The following TDRD5 variants were observed in gnomAD, a reference collection of about 807,000 sequenced individuals.
The protein encoded by TDRD5 is tudor domain-containing protein 5.
In TDRD5, 41 loss-of-function variants were observed where a neutral mutation model predicts 120.6. That is an observed-to-expected ratio of 0.34 (90% CI 0.26 to 0.44). The LOEUF is 0.44. Among genes scored for constraint, TDRD5 ranks in the 20% least tolerant of loss-of-function variants. TDRD5 has a pLI of 1.00. For synonymous variants in TDRD5, 430 were observed against 433.7 expected (o/e 0.99, Z 0.11); for missense variants, 1,006 against 1,221.2 (o/e 0.82, Z 2.63).
chr1:179,681,005 TAAAAG>T (rs1252840309), intron 17 of TDRD5, among the ~76,000 whole-genome samples: 1 of 152,216 alleles, frequency 6.6e-6, no homozygotes. Context: ...AGATTCCAAT[TAAAAG>T]AAGAGATTGT....
chr1:179,615,612 C>T (rs561441639), intron 4 of TDRD5, among the ~76,000 whole-genome samples: 6 of 152,122 alleles, frequency 3.9e-5, no homozygotes, highest in South Asian at 2.1e-4. Context: ...ACACTAAAAG[C>T]GTTGTTGAAA....
intron 6 of TDRD5, among the ~76,000 whole-genome samples, chr1:179,622,161 C>G (rs1676877889): frequency 6.6e-6 from 1 of 152,212 alleles, no homozygotes; most frequent in African/African-American, 2.4e-5. Context: ...CTGCTCAGAT[C>G]TCTGCCTGAC....
chr1:179,686,551 C>A (rs1429485073), intron 17 of TDRD5, among the ~76,000 whole-genome samples: 1 of 152,196 alleles, frequency 6.6e-6, no homozygotes, highest in East Asian at 1.9e-4. Flanking sequence ...ATGATGCTGG[C>A]TTCATAAAAT....
chr1:179,655,401 C>T (rs1227536796), intron 14 of TDRD5, among the ~76,000 whole-genome samples: 1 of 152,186 alleles, frequency 6.6e-6, no homozygotes, highest in Non-Finnish European at 1.5e-5. Context: ...TACACTGTTA[C>T]ACCTTTTTTT....
rs1335757488 is a variant in TDRD5 at position 179,686,164 on chromosome 1, A to T, written c.2861-4532A>T. Among the ~76,000 whole-genome samples the T allele has an allele frequency of 2.6e-5, 4 of 152,166 alleles. No individual in the cohort carries two copies. The South Asian group carries it at 8.3e-4, about 32-fold the overall frequency. Reference sequence around the variant, plus strand: ...TTCCAGTTTTTGCCCATTCAGTATGATATTGGCTGTGGGTTTATCATAAAT... The same window carrying T: ...TTCCAGTTTTTGCCCATTCAGTATGTTATTGGCTGTGGGTTTATCATAAAT... On this transcript the variant is annotated intron_variant, in intron 17 of 17. Coordinates refer to ENST00000444136, the MANE Select transcript of TDRD5 (RefSeq NM_001199085.3).
chr1:179,622,012 A>G (rs1008044202), intron 6 of TDRD5, among the ~76,000 whole-genome samples: 24 of 152,226 alleles, frequency 1.6e-4, no homozygotes, highest in African/African-American at 5.5e-4. Flanking sequence ...ATAGTATAGC[A>G]TAATTGTTAA....
At chr1:179,602,781 C>A (rs139326186) in intron 4 of TDRD5, among the ~76,000 whole-genome samples, 51 of 152,204 alleles carry the variant, frequency 3.4e-4, no homozygotes, top group African/African-American at 1.2e-3. Flanking sequence ...TGACTATAGC[C>A]TTATAGTATA....
intron 9 of TDRD5, 38 bp from the exon 10 acceptor site, chr1:179,639,801 T>A: frequency 6.3e-7 from 1 of 1,577,216 alleles, no homozygotes; most frequent in Non-Finnish European, 8.6e-7. Flanking sequence ...TAATTTTTTC[T>A]TCCCCTATGG....
Position 179,690,825 on chromosome 1 carries a change from C to T in TDRD5, c.2990C>T (p.Ser997Phe), listed in dbSNP as rs375402752. The change falls in exon 18 of 18, where the codon TCT (serine) becomes TTT (phenylalanine). Residue 997 changes from serine (S) to phenylalanine (F), a missense_variant. This residue lies in a region of TDRD5 where 403 missense variants were observed against 448.1 expected (regional missense o/e 0.90). Transcript: ENST00000444136. ...ATTTTGTCTTATGAGTGCCAGATTT[C>T]TCAGAAGCTCTACATTCCTCGAAGT... The part of the protein sequence containing the change: ...SLILSYECQI[S>F]QKLYIPRSTA... 6.2e-6 allele frequency: 10 copies of T among 1,614,090 alleles called. No individual in the cohort carries two copies. In the African/African-American group the frequency reaches 1.3e-4, roughly 22 times the overall value.
chr1:179,605,263 CT>C (rs1434198957), intron 4 of TDRD5, among the ~76,000 whole-genome samples: 1 of 151,948 alleles, frequency 6.6e-6, no homozygotes, highest in East Asian at 1.9e-4. Context: ...TATGTGAGTC[CT>C]TATGTGTTAG....
intron 12 of TDRD5, among the ~76,000 whole-genome samples, chr1:179,651,435 C>T (rs1381652052): frequency 2.0e-5 from 3 of 151,922 alleles, no homozygotes; most frequent in African/African-American, 7.3e-5. Context: ...TGCACTCCAG[C>T]CTGGGCAACA....
In TDRD5 at chr1:179,662,107, G is replaced by A. The variant is rs35448215; in HGVS notation, c.2326G>A (p.Glu776Lys). ...TTTGTCTTCTGTTACATTTTAGGAT[G>A]AGATCCCCACTGGAATGCCATGCCT... The part of the protein sequence containing the change: ...PNDLKEENED[E>K]IPTGMPCLES... The change falls in exon 15 of 18, where the codon GAG (glutamate) becomes AAG (lysine). Residue 776 changes from glutamate to lysine, a missense_variant. Around this residue, in one of 3 missense-constraint regions of TDRD5, gnomAD observed 403 missense variants for 448.1 expected, o/e 0.90. Transcript: ENST00000444136. 335,766 of 1,543,418 alleles carry A rather than the reference G, an allele frequency of 0.22. 39,578 individuals are homozygous for A. The highest frequency in any genetic ancestry group is 0.24 in the Non-Finnish European group (270,279 of 1,149,222).
chr1:179,632,720 T>C (rs2102005856), intron 7 of TDRD5, among the ~76,000 whole-genome samples: 1 of 152,296 alleles, frequency 6.6e-6, no homozygotes, highest in South Asian at 2.1e-4. Flanking sequence ...CTATATGGTA[T>C]AGCTAATTAC....
chr1:179,592,429 C>A (rs1675158358), intron 1 of TDRD5, 173 bp from the exon 2 acceptor site: 1 of 573,382 alleles, frequency 1.7e-6, no homozygotes, highest in East Asian at 3.0e-5. Context: ...GGTGGAGATT[C>A]AGGGCTTGAA....
Position 179,644,552 on chromosome 1 carries a change from C to T in TDRD5, c.1800+4107C>T, listed in dbSNP as rs150116246. 2.2e-3 allele frequency among the ~76,000 whole-genome samples: 337 copies of T among 152,132 alleles called. 6 individuals carry two copies. Among genetic ancestry groups the T allele is most frequent in the African/African-American group, 7.6e-3 (317 of 41,540 alleles). On this transcript the variant is annotated intron_variant, in intron 11 of 17. Transcript: ENST00000444136. ...TTTGTTTCAACTTTTACCACCCCAA[C>T]AAAAAATTAAAATGTAGTATTTATA...
Position 179,635,660 on chromosome 1 carries a change from C to T in TDRD5, c.1300-7C>T, listed in dbSNP as rs373259964. On this transcript the variant is annotated splice_polypyrimidine_tract_variant and splice_region_variant and intron_variant, in intron 8 of 17. Transcript: ENST00000444136. ...GAGATTTTTAATTTTTTTTTTCTAA[C>T]TTATAGCAAGTAGAAACAAACAAAT... 1 of 1,610,000 alleles carries T rather than the reference C, an allele frequency of 6.2e-7. No individual in the cohort carries two copies.
intron 4 of TDRD5, among the ~76,000 whole-genome samples, chr1:179,614,166 G>A (rs1676437640): frequency 6.6e-6 from 1 of 152,150 alleles, no homozygotes; most frequent in African/African-American, 2.4e-5. Context: ...GATCACCTGT[G>A]TACTCTTATC....
Position 179,593,693 on chromosome 1 carries a change from G to T in TDRD5, c.466G>T (p.Ala156Ser). The change falls in exon 3 of 18, where the codon GCA becomes TCA. Residue 156 changes from alanine to serine, a missense_variant. Physicochemically the swap from Ala to Ser is moderately conservative, Grantham distance 99. This residue lies in a region of TDRD5 where 445 missense variants were observed against 515.5 expected (regional missense o/e 0.86). Transcript: ENST00000444136. ...TGTTCTTCTTTCTGATTTTGAAAAG[G>T]CATTTGCCAAAAGATTTGGACGATC... ...SPVLLSDFEKAFAKRFGRSFQ... is the reference protein window; with the variant it reads ...SPVLLSDFEKSFAKRFGRSFQ... 6.2e-7 allele frequency: 1 copy of T among 1,614,238 alleles called. No homozygotes were observed. The highest frequency in any genetic ancestry group is 8.5e-7 in the Non-Finnish European group (1 of 1,180,042).
At chr1:179,631,112 C>T (rs1677419293) in intron 7 of TDRD5, among the ~76,000 whole-genome samples, 192 bp downstream of exon 7, 1 of 152,120 alleles carries the variant, frequency 6.6e-6, no homozygotes, top group African/African-American at 2.4e-5. Flanking sequence ...CTTTCTTGGG[C>T]CGGGTGCAGT....
Sources: allele counts gnomAD v4.1 joint callset (sites outside exome capture counted in the v4.1 genomes callset), GRCh38; gene constraint gnomAD v4.1.1; regional missense constraint gnomAD v4.1.1; transcripts MANE v1.5; gene names NCBI Gene and HGNC (gene_info 2026-07-23, HGNC 2026-07-21).